The following ZBTB20 variants were observed in gnomAD, a reference collection of about 807,000 sequenced individuals.
ZBTB20 encodes the protein zinc finger and BTB domain-containing protein 20.
In ZBTB20, 9 loss-of-function variants were observed where a neutral mutation model predicts 56.9. The observed-to-expected ratio is 0.16, with a 90% CI of 0.10 to 0.28. ZBTB20 has a LOEUF of 0.28. Among genes scored for constraint, ZBTB20 ranks in the 10% least tolerant of loss-of-function variants. The pLI is 1.00. For missense variants in ZBTB20, 655 were observed against 1,003.0 expected, an observed-to-expected ratio of 0.65 and a Z score of 4.69; for synonymous variants, 417 against 420.7, an observed-to-expected ratio of 0.99 and a Z score of 0.11.
At chr3:115,016,268 C>G (rs2079953670) in intron 2 of ZBTB20, among the ~76,000 whole-genome samples, 1 of 151,934 alleles carries the variant, frequency 6.6e-6, no homozygotes, top group African/African-American at 2.4e-5. Context: ...TGTAGGTTGT[C>G]TGTTCACTCT....
intron 4 of ZBTB20, among the ~76,000 whole-genome samples, chr3:114,821,535 C>A (rs1165912901): frequency 1.3e-5 from 2 of 152,088 alleles, no homozygotes; most frequent in Non-Finnish European, 2.9e-5. Context: ...AAAATAAGTG[C>A]ATGGAGTCAC....
intron 4 of ZBTB20, among the ~76,000 whole-genome samples, chr3:114,854,335 G>A (rs2075142393): frequency 6.6e-6 from 1 of 152,086 alleles, no homozygotes; most frequent in African/African-American, 2.4e-5. Flanking sequence ...GGCTAACAGG[G>A]AAGTTATATA....
intron 4 of ZBTB20, among the ~76,000 whole-genome samples, chr3:114,816,238 C>T (rs546197913): frequency 7.9e-5 from 12 of 152,166 alleles, no homozygotes; most frequent in African/African-American, 2.2e-4. Flanking sequence ...TTCATTAAAA[C>T]GATTGTTTTG....
chr3:114,871,509 T>C (rs781628792), intron 4 of ZBTB20, among the ~76,000 whole-genome samples: 6 of 152,162 alleles, frequency 3.9e-5, no homozygotes, highest in Non-Finnish European at 8.8e-5. Flanking sequence ...GTGCTACTGG[T>C]ATAAAATGTA....
At chr3:114,813,909 AC>A (rs1339199661) in intron 4 of ZBTB20, among the ~76,000 whole-genome samples, 1 of 152,186 alleles carries the variant, frequency 6.6e-6, no homozygotes, top group Non-Finnish European at 1.5e-5. Flanking sequence ...AAATGGGAAT[AC>A]TAAAGTTCAC....
chr3:114,878,463 G>A (rs75779799), intron 4 of ZBTB20, among the ~76,000 whole-genome samples: 2,043 of 152,062 alleles, frequency 0.013, 47 homozygotes, highest in African/African-American at 0.046. Context: ...AATATAGGGA[G>A]GGAAATGGTA....
chr3:114,864,090 A>G (rs1289592672), intron 4 of ZBTB20, among the ~76,000 whole-genome samples: 1 of 152,106 alleles, frequency 6.6e-6, no homozygotes, highest in Non-Finnish European at 1.5e-5. Context: ...GATACAGGTG[A>G]CAGATCTGCT....
intron 4 of ZBTB20, among the ~76,000 whole-genome samples, chr3:114,846,748 G>A (rs1056916493): frequency 3.9e-5 from 6 of 152,114 alleles, no homozygotes; most frequent in African/African-American, 1.4e-4. Context: ...ATTCAATACT[G>A]CCTGGATTTT....
chr3:114,480,540 T>A (rs1490948866), intron 7 of ZBTB20, among the ~76,000 whole-genome samples: 2 of 152,208 alleles, frequency 1.3e-5, no homozygotes, highest in Admixed American at 1.3e-4. Context: ...CGTTTGCTGA[T>A]AGGATCACTT....
Position 114,723,954 on chromosome 3 carries a change from C to T in ZBTB20, c.-342-30379G>A, listed in dbSNP as rs185196333. Among the ~76,000 whole-genome samples the T allele has an allele frequency of 2.8e-3, 426 of 152,068 alleles. 5 individuals are homozygous for T. Among genetic ancestry groups the T allele is most frequent in the Middle Eastern group, 0.01 (3 of 294 alleles). On this transcript the variant is annotated intron_variant, in intron 5 of 11. Coordinates refer to ENST00000675478, the MANE Select transcript of ZBTB20 (RefSeq NM_001348800.3). ...CGCTATCTTGGCTCACTACAAGCTC[C>T]GCCTCCCGGGTTCACGCCATTCTCC...
rs1410298578 is a variant in ZBTB20, at chr3:114,380,737, G to A, written c.11+40C>T. The A allele has an allele frequency of 1.5e-5, 22 of 1,483,684 alleles. No homozygotes were observed. In the South Asian group the frequency reaches 3.1e-4, roughly 21 times the overall value. The allele number at this position is 1,483,684 out of a possible 1,614,324, so 91.9% of individuals were successfully genotyped here. ...AAGCATCCCTCTTCCCCCCTTAGGA[G>A]TTTTAACATGGTCTGGAAAAATACT... On this transcript the variant is annotated intron_variant, in intron 9 of 11. Coordinates refer to ENST00000675478, the MANE Select transcript of ZBTB20 (RefSeq NM_001348800.3).
chr3:114,941,997 T>C (rs2076736469), intron 3 of ZBTB20, among the ~76,000 whole-genome samples: 1 of 146,278 alleles, frequency 6.8e-6, no homozygotes, highest in Non-Finnish European at 1.5e-5. Context: ...AAAAGTACTG[T>C]CTATGCCTAG....
In ZBTB20 at chr3:114,956,143, T is replaced by C. The variant is rs561720644; in HGVS notation, c.-456+18223A>G. Among the ~76,000 whole-genome samples, 148 of 152,308 alleles carry C rather than the reference T, an allele frequency of 9.7e-4. 1 individual carries two copies. Among genetic ancestry groups the C allele is most frequent in the African/African-American group, 3.5e-3 (144 of 41,562 alleles). On this transcript the variant is annotated intron_variant, in intron 3 of 11. Coordinates refer to ENST00000675478, the MANE Select transcript of ZBTB20 (RefSeq NM_001348800.3). ...AAAAATGCTAATCAAACTCAGCTCA[T>C]AGGAGCAGGAGCTGAATTGAATGAT...
intron 5 of ZBTB20, among the ~76,000 whole-genome samples, chr3:114,711,372 A>G (rs2064067881): frequency 6.6e-6 from 1 of 152,094 alleles, no homozygotes; most frequent in Non-Finnish European, 1.5e-5. Flanking sequence ...AAAGTGTTCC[A>G]GTACTTATAA....
chr3:114,429,682 G>A (rs760739070), intron 7 of ZBTB20, among the ~76,000 whole-genome samples: 15 of 151,732 alleles, frequency 9.9e-5, no homozygotes, highest in Admixed American at 2.0e-4. Context: ...TTCTATATCC[G>A]CAAATGGAAA....
At chr3:114,347,581 T>C (rs994615659) in intron 11 of ZBTB20, among the ~76,000 whole-genome samples, 1 of 152,240 alleles carries the variant, frequency 6.6e-6, no homozygotes, top group South Asian at 2.1e-4. Flanking sequence ...TGTTTGGAAA[T>C]GCGAGCTACA....
chr3:114,889,154 A>T (rs939969148), intron 4 of ZBTB20, among the ~76,000 whole-genome samples: 1 of 151,970 alleles, frequency 6.6e-6, no homozygotes, highest in Non-Finnish European at 1.5e-5. Flanking sequence ...AATGCACAGA[A>T]ATCCTTTCGT....
At chr3:115,081,898 A>G (rs1020233229) in intron 1 of ZBTB20, among the ~76,000 whole-genome samples, 2 of 152,226 alleles carry the variant, frequency 1.3e-5, no homozygotes, top group Non-Finnish European at 2.9e-5. Context: ...ACTGACTGGC[A>G]GGAATGTATC....
At chr3:114,936,045 A>G (rs1472685933) in intron 3 of ZBTB20, among the ~76,000 whole-genome samples, 3 of 152,166 alleles carry the variant, frequency 2.0e-5, no homozygotes, top group African/African-American at 4.8e-5. Context: ...AGAGACTGGC[A>G]CCTGCATAAT....
Sources: allele counts gnomAD v4.1 joint callset (sites outside exome capture counted in the v4.1 genomes callset), GRCh38; gene constraint gnomAD v4.1.1; transcripts MANE v1.5; gene names NCBI Gene and HGNC (gene_info 2026-07-23, HGNC 2026-07-21).